Variants in RNF157 observed in about 807,000 individuals in gnomAD.
RNF157 encodes the protein ring finger protein 157.
Under a neutral mutation model 88.3 loss-of-function variants are expected in RNF157, and 55 were observed. The ratio of observed to expected loss-of-function variants is 0.62; its 90% CI spans 0.50 to 0.78. The LOEUF (loss-of-function observed/expected upper bound fraction) is 0.78, where lower values mean the gene tolerates loss of function less well. RNF157 is among the 30% of genes least tolerant of loss of function. RNF157 has a pLI of 0.00. For missense variants in RNF157, 788 were observed against 860.8 expected, an observed-to-expected ratio of 0.92 and a Z score of 1.06; for synonymous variants, 334 against 341.2, an observed-to-expected ratio of 0.98 and a Z score of 0.23.
chr17:76,156,827 A>G (rs2068772393), intron 13 of RNF157, among the ~76,000 whole-genome samples: 1 of 151,988 alleles, frequency 6.6e-6, no homozygotes, highest in Admixed American at 6.6e-5. Flanking sequence ...CCCAGCCCCG[A>G]CCTGTCAGGC....
intron 8 of RNF157, 73 bp from the exon 9 acceptor site, chr17:76,162,696 C>T: frequency 2.8e-6 from 3 of 1,083,818 alleles, no homozygotes; most frequent in Non-Finnish European, 4.0e-6. Context: ...TCCCTCCAAT[C>T]TTACCTCTTT....
intron 3 of RNF157, among the ~76,000 whole-genome samples, chr17:76,170,133 T>C (rs2068991849): frequency 6.6e-6 from 1 of 152,086 alleles, no homozygotes; most frequent in South Asian, 2.1e-4. Context: ...CAGAAAACAG[T>C]TTTCCTCTCT....
chr17:76,190,949 C>T (rs1211561161), intron 2 of RNF157, among the ~76,000 whole-genome samples: 1 of 151,598 alleles, frequency 6.6e-6, no homozygotes, highest in Non-Finnish European at 1.5e-5. Flanking sequence ...CAGTGGCTCA[C>T]ACCTGTAGTC....
intron 2 of RNF157, among the ~76,000 whole-genome samples, chr17:76,185,173 C>T (rs1397486663): frequency 1.3e-5 from 2 of 152,168 alleles, no homozygotes; most frequent in Non-Finnish European, 2.9e-5. Flanking sequence ...ATTAAACACA[C>T]CTACATGGCT....
intron 1 of RNF157, among the ~76,000 whole-genome samples, chr17:76,224,311 CA>C (rs2070039713): frequency 6.6e-6 from 1 of 152,034 alleles, no homozygotes; most frequent in African/African-American, 2.4e-5. Context: ...ATGTCTGCCT[CA>C]ATAAGATATT....
In RNF157 at chr17:76,240,322, C is replaced by G; in HGVS notation, c.-82G>C. ...TCACCGCGGCCGCCCGCCCCGCGCC[C>G]GGTGCGGGGGCCGACTGCCCGCCGC... On this transcript the variant is annotated 5_prime_UTR_variant, in exon 1 of 19. Coordinates refer to ENST00000269391, the MANE Select transcript of RNF157 (RefSeq NM_052916.3). This position sits in a 1 kb window ranked among gnomAD's most constrained non-coding sequence, Gnocchi z 4.4. 4.7e-6 allele frequency: 3 copies of G among 640,240 alleles called. No individual in the cohort carries two copies. The highest frequency in any genetic ancestry group is 5.8e-6 in the Non-Finnish European group (3 of 517,324). The allele number at this position is 640,240 out of a possible 1,614,324, so 39.7% of individuals were successfully genotyped here. A position where few individuals can be genotyped will look rare whatever the true frequency, so the allele number is the denominator to read the frequency against.
intron 16 of RNF157, 195 bp from the exon 17 acceptor site, chr17:76,154,523 C>T (rs1348427887): frequency 3.3e-6 from 2 of 598,418 alleles, no homozygotes; most frequent in Non-Finnish European, 6.0e-6. Flanking sequence ...CATCTGCCTA[C>T]AGGGATTAGA....
At position 76,240,302 on chromosome 17, in the gene RNF157, G is replaced by GCGGC; in HGVS notation, c.-66_-63dup. On this transcript the variant is annotated 5_prime_UTR_variant, in exon 1 of 19. It removes the in-frame stop codon of an upstream open reading frame in the 5' UTR. Transcript: ENST00000269391. This position sits in a 1 kb window ranked among gnomAD's most constrained non-coding sequence, Gnocchi z 4.4. ...CCCGCGCCGCCCTCCGCGCTTCACC[G>GCGGC]CGGCCGCCCGCCCCGCGCCCGGTGC... 1.2e-6 allele frequency: 1 copy of GCGGC among 833,660 alleles called. No individual in the cohort carries two copies. Among genetic ancestry groups the GCGGC allele is most frequent in the Non-Finnish European group, 1.4e-6 (1 of 692,958 alleles). The allele number at this position is 833,660 out of a possible 1,614,324, so 51.6% of individuals were successfully genotyped here.
At position 76,212,369 on chromosome 17, in the gene RNF157, C is replaced by T. The variant is rs1229895169; in HGVS notation, c.202G>A (p.Val68Ile). 1 of 1,606,104 alleles carries T rather than the reference C, an allele frequency of 6.2e-7. No individual in the cohort carries two copies. Among genetic ancestry groups the T allele is most frequent in the East Asian group, 2.2e-5 (1 of 44,838 alleles). The change falls in exon 2 of 19, where the codon GTT (valine) becomes ATT (isoleucine). Residue 68 changes from valine to isoleucine, a missense_variant. Physicochemically the swap from Val to Ile is conservative, Grantham distance 29. Transcript: ENST00000269391. ...TAAACTGATTACAGCCATACCACAA[C>T]TGGTCTGTTCCCCAGAAAGTTCAGA... is the stretch of plus-strand genomic sequence containing the variant. ...SDLNFLGNRP[V>I]VFPYAAPPPQ...
At chr17:76,235,199 CTT>C (rs537829366) in intron 1 of RNF157, among the ~76,000 whole-genome samples, 13 of 141,226 alleles carry the variant, frequency 9.2e-5, no homozygotes, top group Admixed American at 2.1e-4. Context: ...TAGTAGGTTA[CTT>C]TTTTTTTTTT....
intron 8 of RNF157, chr17:76,163,075 T>G (rs1188701921): frequency 6.4e-6 from 1 of 156,040 alleles, no homozygotes; most frequent in Non-Finnish European, 1.4e-5. Context: ...AGGGAAAATA[T>G]GGATGCAAAG....
At position 76,155,581 on chromosome 17, in the gene RNF157, G is replaced by T. The variant is rs774958836; in HGVS notation, c.1679C>A (p.Ala560Asp). 6.2e-7 allele frequency: 1 copy of T among 1,612,606 alleles called. No homozygotes were observed. The change falls in exon 15 of 19, where the codon GCC (alanine) becomes GAC (aspartate). Residue 560 changes from alanine to aspartate, a missense_variant. Transcript: ENST00000269391. ...ALSSPQPASR[A>D]PSEEGEGLPA... ...CCTTACCTCTCCTTCTTCTGAGGGG[G>T]CCCTGCTGGCAGGCTGGGGGGAAGA...
Position 76,161,789 on chromosome 17 carries a change from T to C in RNF157, c.952+54A>G, listed in dbSNP as rs1161571721. The C allele has an allele frequency of 2.8e-5, 45 of 1,589,744 alleles. No homozygotes were observed. Among genetic ancestry groups the C allele is most frequent in the Non-Finnish European group, 3.7e-5 (43 of 1,163,010 alleles). On this transcript the variant is annotated intron_variant, in intron 10 of 18. Transcript: ENST00000269391. This position sits in a 1 kb window ranked among gnomAD's most constrained non-coding sequence, Gnocchi z 4.6. The stretch of plus-strand genomic sequence containing the variant: ...AGCACATGCTTCAGTGTTTTGTAAA[T>C]GTCCTCTTGTCCCCTCTCCCACCCA...
chr17:76,150,085 G>A (rs1402469402), intron 18 of RNF157, among the ~76,000 whole-genome samples: 1 of 152,054 alleles, frequency 6.6e-6, no homozygotes, highest in Non-Finnish European at 1.5e-5. Flanking sequence ...CATTGTCCTT[G>A]CCACAGAAGC....
intron 2 of RNF157, among the ~76,000 whole-genome samples, chr17:76,206,173 G>A (rs2069678857): frequency 6.6e-6 from 1 of 152,144 alleles, no homozygotes; most frequent in African/African-American, 2.4e-5. Context: ...CGAGGCTGCA[G>A]TGAGCTGTAG....
chr17:76,183,146 AG>A (rs1332475029), intron 2 of RNF157, among the ~76,000 whole-genome samples: 1 of 150,712 alleles, frequency 6.6e-6, no homozygotes, highest in Non-Finnish European at 1.5e-5. Context: ...CATGTTGGTC[AG>A]GCTGGTCTCG....
chr17:76,227,054 A>G (rs1424988848), intron 1 of RNF157, among the ~76,000 whole-genome samples: 1 of 152,122 alleles, frequency 6.6e-6, no homozygotes, highest in East Asian at 1.9e-4. Context: ...CACGTGCGGA[A>G]AAAACTACAT....
intron 2 of RNF157, among the ~76,000 whole-genome samples, chr17:76,210,017 C>T (rs914192523): frequency 6.6e-6 from 1 of 152,082 alleles, no homozygotes; most frequent in Admixed American, 6.5e-5. Flanking sequence ...CTCGGCCTCC[C>T]AGAGTGCTGG....
At chr17:76,194,120 A>G (rs2144954938) in intron 2 of RNF157, among the ~76,000 whole-genome samples, 1 of 152,304 alleles carries the variant, frequency 6.6e-6, no homozygotes, top group East Asian at 1.9e-4. Context: ...TTTGGTGTAC[A>G]GTTCTGTGAA....
Sources: allele counts gnomAD v4.1 joint callset (sites outside exome capture counted in the v4.1 genomes callset), GRCh38; gene constraint gnomAD v4.1.1; non-coding constraint Gnocchi (gnomAD v3.1); transcripts MANE v1.5; gene names NCBI Gene and HGNC (gene_info 2026-07-23, HGNC 2026-07-21).